Variants in SDK1 observed in about 807,000 individuals in gnomAD.
The protein encoded by SDK1 is sidekick cell adhesion molecule 1, also known as protein sidekick-1.
SDK1 carries 157 observed loss-of-function variants against 245.5 expected under a neutral mutation model. The ratio of observed to expected loss-of-function variants is 0.64; its 90% CI spans 0.56 to 0.73. The LOEUF (loss-of-function observed/expected upper bound fraction) is 0.73. SDK1 is among the 30% of genes least tolerant of loss of function. The pLI, the probability that SDK1 is intolerant of heterozygous loss-of-function variation, is 0.00. For missense variants in SDK1, 3,583 were observed against 3,002.3 expected (o/e 1.19, Z -4.52); for synonymous variants, 1,647 against 1,278.5 (o/e 1.29, Z -6.15).
intron 14 of SDK1, among the ~76,000 whole-genome samples, chr7:3,999,788 G>A (rs1276410086): frequency 6.6e-6 from 1 of 152,218 alleles, no homozygotes; most frequent in Non-Finnish European, 1.5e-5. Context: ...TGAAGCTGGA[G>A]AAATAGTAGA....
At chr7:3,958,881 G>C in intron 7 of SDK1, 50 bp from the exon 8 acceptor site, 2 of 1,421,788 alleles carry the variant, frequency 1.4e-6, no homozygotes, top group Non-Finnish European at 2.0e-6. Flanking sequence ...TATGGTCTCT[G>C]ACATATCCTT....
At chr7:3,512,719 A>G (rs970040366) in intron 1 of SDK1, among the ~76,000 whole-genome samples, 2 of 152,176 alleles carry the variant, frequency 1.3e-5, no homozygotes, top group Non-Finnish European at 2.9e-5. Context: ...GTTTGAAGCA[A>G]CTACTTTTAA....
chr7:4,223,975 A>T (rs898832151), intron 40 of SDK1, among the ~76,000 whole-genome samples: 1 of 152,130 alleles, frequency 6.6e-6, no homozygotes, highest in Admixed American at 6.5e-5. Context: ...TAGACTTTTG[A>T]GTTGTGCTGG....
intron 5 of SDK1, among the ~76,000 whole-genome samples, chr7:3,883,469 G>A (rs546848276): frequency 3.9e-5 from 6 of 152,256 alleles, no homozygotes; most frequent in East Asian, 1.9e-4. Flanking sequence ...GTATGTGTGC[G>A]GCCCTTCATT....
chr7:4,092,305 C>T (rs1269334031), intron 22 of SDK1, among the ~76,000 whole-genome samples: 5 of 152,158 alleles, frequency 3.3e-5, no homozygotes, highest in Non-Finnish European at 2.9e-5. Flanking sequence ...CCTCTGTGCT[C>T]GCCTACCCCC....
At chr7:3,499,589 C>T (rs1209547823) in intron 1 of SDK1, among the ~76,000 whole-genome samples, 1 of 152,198 alleles carries the variant, frequency 6.6e-6, no homozygotes, top group Non-Finnish European at 1.5e-5. Context: ...CTAACCACCC[C>T]ATTGTTGTTT....
intron 1 of SDK1, among the ~76,000 whole-genome samples, chr7:3,614,108 C>G (rs954795901): frequency 6.6e-6 from 1 of 152,148 alleles, no homozygotes; most frequent in East Asian, 1.9e-4. Context: ...CCTGCACATC[C>G]TGCTGAACCT....
In SDK1 at chr7:3,969,356, G is replaced by A. The variant is rs746399701; in HGVS notation, c.1646G>A (p.Gly549Asp). 8.1e-6 allele frequency: 13 copies of A among 1,611,064 alleles called. No individual in the cohort carries two copies. Among genetic ancestry groups the A allele is most frequent in the Non-Finnish European group, 1.1e-5 (13 of 1,178,768 alleles). ...GCGCCCGTCTTCATCCAGGATGCCG[G>A]CAACTACACCTGCTATGCGGCCAAC... ...QIAPVFIQDA[G>D]NYTCYAANTE... is the part of the protein sequence containing the mutation. Residue 549 changes from glycine (G) to aspartate (D), a missense_variant, in exon 11 of 45, where the codon GGC becomes GAC. Physicochemically the swap from Gly to Asp is moderately conservative, Grantham distance 94. Transcript: ENST00000404826.
chr7:3,732,025 C>CAA (rs1779194245), intron 4 of SDK1, among the ~76,000 whole-genome samples: 1 of 152,002 alleles, frequency 6.6e-6, no homozygotes, highest in South Asian at 2.1e-4. Flanking sequence ...CTCCTGACCT[C>CAA]GTGATCCACC....
intron 22 of SDK1, among the ~76,000 whole-genome samples, chr7:4,104,043 T>G (rs1490323624): frequency 2.6e-5 from 4 of 152,250 alleles, no homozygotes; most frequent in Non-Finnish European, 5.9e-5. Flanking sequence ...CGGAGTTTGC[T>G]GACTGCAGTA....
At chr7:3,975,424 T>G (rs1782844404) in intron 13 of SDK1, among the ~76,000 whole-genome samples, 1 of 152,306 alleles carries the variant, frequency 6.6e-6, no homozygotes, top group Middle Eastern at 3.4e-3. Context: ...TTTTCCTCAC[T>G]GGACCCTGCC....
intron 41 of SDK1, among the ~76,000 whole-genome samples, chr7:4,237,261 G>C (rs1485581064): frequency 6.6e-6 from 1 of 151,834 alleles, no homozygotes; most frequent in Non-Finnish European, 1.5e-5. Flanking sequence ...ACATTGCACT[G>C]GATCAGGCAG....
chr7:3,415,427 A>C (rs930389296), intron 1 of SDK1, among the ~76,000 whole-genome samples: 3 of 152,174 alleles, frequency 2.0e-5, no homozygotes, highest in Non-Finnish European at 4.4e-5. Context: ...TAGATAAAAA[A>C]CAATGAGAGG....
chr7:3,799,239 T>C (rs925699481), intron 4 of SDK1, among the ~76,000 whole-genome samples: 2 of 152,196 alleles, frequency 1.3e-5, no homozygotes, highest in Admixed American at 1.3e-4. Flanking sequence ...TACTTTGAAA[T>C]TGTGTTAAAT....
intron 1 of SDK1, among the ~76,000 whole-genome samples, chr7:3,451,240 T>G (rs1298931781): frequency 6.6e-6 from 1 of 151,956 alleles, no homozygotes; most frequent in Non-Finnish European, 1.5e-5. Flanking sequence ...GGGCAATTGT[T>G]GTGAAGTTCC....
chr7:3,866,334 G>T (rs1303345596), intron 5 of SDK1, among the ~76,000 whole-genome samples: 2 of 152,198 alleles, frequency 1.3e-5, no homozygotes, highest in Non-Finnish European at 2.9e-5. Flanking sequence ...GCTCTTCTGA[G>T]CTCTGATTCC....
intron 4 of SDK1, among the ~76,000 whole-genome samples, chr7:3,739,574 C>A (rs369214892): frequency 1.3e-5 from 2 of 151,976 alleles, no homozygotes; most frequent in Admixed American, 6.6e-5. Context: ...TTGAGTCCCT[C>A]CAGTGAATTT....
At chr7:3,986,080 C>T (rs965015424) in intron 13 of SDK1, among the ~76,000 whole-genome samples, 11 of 152,088 alleles carry the variant, frequency 7.2e-5, no homozygotes, top group African/African-American at 2.2e-4. Context: ...ATTCAGGAGA[C>T]GTGAAGGTTC....
At chr7:3,865,796 C>T (rs1780807185) in intron 5 of SDK1, among the ~76,000 whole-genome samples, 1 of 152,082 alleles carries the variant, frequency 6.6e-6, no homozygotes, top group Admixed American at 6.5e-5. Context: ...CTATGTCTGG[C>T]TTCACCTCCA....
Sources: allele counts gnomAD v4.1 joint callset (sites outside exome capture counted in the v4.1 genomes callset), GRCh38; gene constraint gnomAD v4.1.1; transcripts MANE v1.5; gene names NCBI Gene and HGNC (gene_info 2026-07-23, HGNC 2026-07-21).